PRR16: variants seen among roughly 807,000 people sequenced by gnomAD.
PRR16 encodes the protein protein Largen.
In PRR16, 6 loss-of-function variants were observed where a neutral mutation model predicts 18.2. The observed-to-expected ratio is 0.33, with a 90% CI of 0.18 to 0.65. PRR16 has a LOEUF of 0.65. Ranked by LOEUF, PRR16 falls within the 30% of genes least tolerant of loss-of-function variation. The pLI, the probability that PRR16 is intolerant of heterozygous loss-of-function variation, is 0.74. For missense variants in PRR16, 412 were observed against 376.6 expected, an observed-to-expected ratio of 1.09 and a Z score of -0.78; for synonymous variants, 151 against 147.8, an observed-to-expected ratio of 1.02 and a Z score of -0.16.
intron 1 of PRR16, among the ~76,000 whole-genome samples, chr5:120,489,615 T>G (rs529314693): frequency 0.011 from 1,640 of 152,186 alleles, 13 homozygotes; most frequent in East Asian, 0.032. Context: ...CAGTTTGCCA[T>G]TCTGTGTCTT....
the PRR16 span, among the ~76,000 whole-genome samples, chr5:120,784,980 A>T: frequency 0.027 from 4,179 of 152,246 alleles, 106 homozygotes; most frequent in Non-Finnish European, 0.039. Context: ...ACCTAGCCTG[A>T]CCACCCGCTG....
chr5:120,792,664 A>G, the PRR16 span, among the ~76,000 whole-genome samples: 1 of 152,166 alleles, frequency 6.6e-6, no homozygotes, highest in Non-Finnish European at 1.5e-5. Flanking sequence ...TATTATGTTT[A>G]CTTAGGTAAG....
the PRR16 span, among the ~76,000 whole-genome samples, chr5:120,771,301 A>G: frequency 6.6e-6 from 1 of 152,136 alleles, no homozygotes; most frequent in Non-Finnish European, 1.5e-5. Context: ...AAAAATGAGC[A>G]CTAATACTCA....
chr5:120,731,332 C>G, the PRR16 span, among the ~76,000 whole-genome samples: 1 of 152,108 alleles, frequency 6.6e-6, no homozygotes, highest in Non-Finnish European at 1.5e-5. Context: ...ATAGGAGAAG[C>G]CTTGCATATA....
At chr5:120,584,158 A>G (rs1753363759) in intron 1 of PRR16, among the ~76,000 whole-genome samples, 1 of 152,228 alleles carries the variant, frequency 6.6e-6, no homozygotes, top group Non-Finnish European at 1.5e-5. Flanking sequence ...TATATATTAC[A>G]GGACTATGTG....
chr5:120,648,158 T>C (rs1260937326), intron 1 of PRR16, among the ~76,000 whole-genome samples: 3 of 152,160 alleles, frequency 2.0e-5, no homozygotes, highest in Non-Finnish European at 2.9e-5. Flanking sequence ...ATGTTATACG[T>C]TGTAGTCACT....
intron 1 of PRR16, among the ~76,000 whole-genome samples, chr5:120,569,131 T>A (rs1752825403): frequency 6.6e-6 from 1 of 152,312 alleles, no homozygotes; most frequent in East Asian, 1.9e-4. Flanking sequence ...TTATAAATGC[T>A]TGTAAACATT....
At chr5:120,717,182 G>A in the PRR16 span, among the ~76,000 whole-genome samples, 10 of 152,144 alleles carry the variant, frequency 6.6e-5, no homozygotes, top group Non-Finnish European at 1.3e-4. Flanking sequence ...TTCAGTTATA[G>A]ATTAATGGAT....
At chr5:120,671,622 T>C (rs1756608245) in intron 1 of PRR16, among the ~76,000 whole-genome samples, 1 of 152,188 alleles carries the variant, frequency 6.6e-6, no homozygotes, top group African/African-American at 2.4e-5. Context: ...CTTTGCATTG[T>C]ATACTAAACA....
chr5:120,530,254 AATATATAT>A (rs3047950), intron 1 of PRR16, among the ~76,000 whole-genome samples: 1,978 of 106,704 alleles, frequency 0.019, 35 homozygotes, highest in Non-Finnish European at 0.022. Flanking sequence ...AGTGTGTGTA[AATATATAT>A]ATATATATAT....
chr5:120,758,124 T>C, the PRR16 span, among the ~76,000 whole-genome samples: 1 of 152,188 alleles, frequency 6.6e-6, no homozygotes, highest in Admixed American at 6.6e-5. Flanking sequence ...CTGTAGGTAT[T>C]TGTAATTATG....
intron 1 of PRR16, among the ~76,000 whole-genome samples, chr5:120,642,522 G>A (rs187842247): frequency 3.9e-4 from 59 of 152,122 alleles, no homozygotes; most frequent in African/African-American, 1.2e-3. Flanking sequence ...ATAAAAAAAT[G>A]TATAAACTGT....
intron 1 of PRR16, among the ~76,000 whole-genome samples, chr5:120,570,489 A>G (rs112234063): frequency 6.6e-6 from 1 of 152,166 alleles, no homozygotes; most frequent in South Asian, 2.1e-4. Flanking sequence ...GGGAAACATG[A>G]CCTAATGCAA....
intron 1 of PRR16, among the ~76,000 whole-genome samples, chr5:120,513,407 T>C (rs183409872): frequency 1.5e-4 from 23 of 152,306 alleles, no homozygotes; most frequent in African/African-American, 5.5e-4. Flanking sequence ...TGTCTTATTG[T>C]CTATTTTTCC....
the PRR16 span, among the ~76,000 whole-genome samples, chr5:120,741,922 T>C: frequency 6.6e-6 from 1 of 152,290 alleles, no homozygotes; most frequent in Middle Eastern, 3.4e-3. Context: ...TTATAGATAC[T>C]ATAAGATTTA....
chr5:120,563,179 T>C (rs1426568166), intron 1 of PRR16, among the ~76,000 whole-genome samples: 1 of 152,202 alleles, frequency 6.6e-6, no homozygotes, highest in Admixed American at 6.5e-5. Flanking sequence ...TCTTTTCTTA[T>C]GCTGAGTCAG....
chr5:120,636,202 C>A (rs1310165708), intron 1 of PRR16, among the ~76,000 whole-genome samples: 1 of 151,934 alleles, frequency 6.6e-6, no homozygotes, highest in South Asian at 2.1e-4. Flanking sequence ...ACCATACTGC[C>A]AAAAGCAATC....
chr5:120,651,831 T>C (rs1755801501), intron 1 of PRR16, among the ~76,000 whole-genome samples: 1 of 152,128 alleles, frequency 6.6e-6, no homozygotes, highest in South Asian at 2.1e-4. Flanking sequence ...TGGTTCCATA[T>C]GAACTTTAAA....
At chr5:120,509,637 T>G (rs1750756893) in intron 1 of PRR16, among the ~76,000 whole-genome samples, 1 of 152,156 alleles carries the variant, frequency 6.6e-6, no homozygotes, top group Non-Finnish European at 1.5e-5. Context: ...GCTATAAATT[T>G]TAGCCTATCG....
Sources: gnomAD v4.1 joint callset for allele counts (sites outside exome capture counted in the v4.1 genomes callset) on GRCh38, gnomAD v4.1.1 for gene constraint, MANE v1.5 for transcripts, NCBI Gene and HGNC (gene_info 2026-07-23, HGNC 2026-07-21) for gene names.